The following EDNRA variants were observed in gnomAD, a reference collection of about 807,000 sequenced individuals.
The protein encoded by EDNRA is endothelin receptor type A.
In EDNRA, 11 loss-of-function variants were observed where a neutral mutation model predicts 41.4. The observed-to-expected ratio is 0.27, with a 90% CI of 0.17 to 0.44. EDNRA has a LOEUF of 0.44. EDNRA is among the 20% of genes least tolerant of loss of function. EDNRA has a pLI of 1.00. For missense variants in EDNRA, 294 were observed against 531.0 expected, an observed-to-expected ratio of 0.55 and a Z score of 4.39; for synonymous variants, 172 against 183.0, an observed-to-expected ratio of 0.94 and a Z score of 0.49.
chr4:147,535,726 C>T, intron 4 of EDNRA, 151 bp from the exon 5 acceptor site: 3 of 858,592 alleles, frequency 3.5e-6, no homozygotes, highest in Non-Finnish European at 3.5e-6. Context: ...GAGTTTTGAG[C>T]CCCACTCCCA....
At chr4:147,506,627 G>A (rs764344674) in intron 2 of EDNRA, 2 of 305,684 alleles carry the variant, frequency 6.5e-6, no homozygotes, top group Non-Finnish European at 1.3e-5. Context: ...TAAGGACTTG[G>A]TGGACATCAC....
chr4:147,500,077 T>C (rs1729458754), intron 2 of EDNRA, among the ~76,000 whole-genome samples: 1 of 152,134 alleles, frequency 6.6e-6, no homozygotes, highest in Non-Finnish European at 1.5e-5. Flanking sequence ...AGTGCTGGGA[T>C]TACGAGTGTG....
rs945270541 is a variant in EDNRA at position 147,485,621 on chromosome 4, A to C, written c.-61A>C. The C allele has an allele frequency of 1.2e-5, 18 of 1,504,312 alleles. No homozygotes were observed. Among genetic ancestry groups the C allele is most frequent in the Non-Finnish European group, 1.5e-5 (17 of 1,124,848 alleles). The allele number at this position is 1,504,312 out of a possible 1,614,324, so 93.2% of individuals were successfully genotyped here. On this transcript the variant is annotated 5_prime_UTR_variant, in exon 2 of 8. Coordinates refer to ENST00000651419, the MANE Select transcript of EDNRA (RefSeq NM_001957.4). ...TTTCCTTTTGTTTCAGGTGAAAAAA[A>C]AGTGAAGGTGTAAAAGCAGCACAAG... is the stretch of plus-strand genomic sequence containing the variant.
intron 2 of EDNRA, chr4:147,492,936 T>A (rs541714692): frequency 2.6e-5 from 4 of 152,256 alleles, no homozygotes; most frequent in African/African-American, 7.2e-5. Context: ...ATGGTCATGT[T>A]AAGTAATTAT....
At chr4:147,532,420 G>A in intron 3 of EDNRA, 86 bp from the exon 4 acceptor site, 5 of 1,207,652 alleles carry the variant, frequency 4.1e-6, no homozygotes, top group Non-Finnish European at 6.1e-6. Flanking sequence ...GCAATGAGGA[G>A]GAACTTCCCA....
At chr4:147,522,731 A>G (rs902598758) in intron 3 of EDNRA, among the ~76,000 whole-genome samples, 2 of 152,174 alleles carry the variant, frequency 1.3e-5, no homozygotes, top group Admixed American at 6.5e-5. Context: ...AACTCAAACC[A>G]TTGTTGATGA....
Position 147,543,775 on chromosome 4 carries a change from G to C in EDNRA, c.*1157G>C, listed in dbSNP as rs1177561657. ...AAACATAATTTTGAAGTGGCCAGAT[G>C]AGTTTATCATGTCAGTGAAAAATAA... On this transcript the variant is annotated 3_prime_UTR_variant, in exon 8 of 8. Coordinates refer to ENST00000651419, the MANE Select transcript of EDNRA (RefSeq NM_001957.4). 6.6e-6 allele frequency: 1 copy of C among 152,668 alleles called. No individual in the cohort carries two copies. The highest frequency in any genetic ancestry group is 1.9e-4 in the East Asian group (1 of 5,178). 9.5% of individuals were successfully genotyped at this position (152,668 alleles called of 1,614,324 possible). A position where few individuals can be genotyped will look rare whatever the true frequency, so the allele number is the denominator to read the frequency against.
intron 3 of EDNRA, among the ~76,000 whole-genome samples, chr4:147,523,374 C>A (rs958401247): frequency 6.6e-6 from 1 of 151,924 alleles, no homozygotes; most frequent in Non-Finnish European, 1.5e-5. Flanking sequence ...TCTTTCAGGG[C>A]CTTCTCTCTG....
At chr4:147,506,101 AT>A in intron 2 of EDNRA, 1 of 523,174 alleles carries the variant, frequency 1.9e-6, no homozygotes. Flanking sequence ...GTTCCTGAAT[AT>A]TTGTCACAGC....
Position 147,485,504 on chromosome 4 carries a change from A to C in EDNRA, c.-70-108A>C, listed in dbSNP as rs939477687. The C allele has an allele frequency of 1.9e-5, 14 of 754,608 alleles. No homozygotes were observed. In the East Asian group the frequency reaches 3.5e-4, roughly 19 times the overall value. 46.7% of individuals were successfully genotyped at this position (754,608 alleles called of 1,614,324 possible). A position where few individuals can be genotyped will look rare whatever the true frequency, so the allele number is the denominator to read the frequency against. On this transcript the variant is annotated intron_variant, in intron 1 of 7. Coordinates refer to ENST00000651419, the MANE Select transcript of EDNRA (RefSeq NM_001957.4). ...AACCTGATATACATATATCTTATCT[A>C]ATCACCAAATATATCCTGCATTTTA...
At chr4:147,526,497 C>T (rs1730553639) in intron 3 of EDNRA, among the ~76,000 whole-genome samples, 1 of 152,210 alleles carries the variant, frequency 6.6e-6, no homozygotes, top group South Asian at 2.1e-4. Context: ...TTTGCTCCAG[C>T]AGGCTCAAGG....
At chr4:147,508,520 T>C (rs372464060) in intron 2 of EDNRA, among the ~76,000 whole-genome samples, 13 of 152,194 alleles carry the variant, frequency 8.5e-5, no homozygotes, top group Non-Finnish European at 1.5e-4. Context: ...GTCCTATCTG[T>C]GAAATTTTTG....
At chr4:147,500,027 A>C (rs561744170) in intron 2 of EDNRA, among the ~76,000 whole-genome samples, 1 of 150,870 alleles carries the variant, frequency 6.6e-6, no homozygotes, top group Non-Finnish European at 1.5e-5. Context: ...CTGATCTCGA[A>C]CTCCTGATCT....
At chr4:147,504,131 A>G (rs1729607828) in intron 2 of EDNRA, among the ~76,000 whole-genome samples, 1 of 147,204 alleles carries the variant, frequency 6.8e-6, no homozygotes, top group African/African-American at 2.7e-5. Flanking sequence ...CTAGCCTCAC[A>G]AAAAAAAATG....
At chr4:147,488,151 G>C (rs1436291427) in intron 2 of EDNRA, 1 of 152,208 alleles carries the variant, frequency 6.6e-6, no homozygotes, top group Non-Finnish European at 1.5e-5. Flanking sequence ...CCCTGCTGCT[G>C]TTCACCCTGA....
intron 2 of EDNRA, among the ~76,000 whole-genome samples, chr4:147,504,080 T>G (rs2126414960): frequency 6.6e-6 from 1 of 152,338 alleles, no homozygotes; most frequent in Non-Finnish European, 1.5e-5. Context: ...TTCTGCAATC[T>G]GTTGTACTAT....
At chr4:147,516,638 G>A (rs1730125527) in intron 2 of EDNRA, among the ~76,000 whole-genome samples, 1 of 152,160 alleles carries the variant, frequency 6.6e-6, no homozygotes, top group Non-Finnish European at 1.5e-5. Context: ...GCAAAAATAA[G>A]CTATGACTGA....
chr4:147,496,898 C>T (rs1729318083), intron 2 of EDNRA, among the ~76,000 whole-genome samples: 1 of 152,100 alleles, frequency 6.6e-6, no homozygotes, highest in Non-Finnish European at 1.5e-5. Flanking sequence ...TGGACATTCT[C>T]CTATGCATCT....
intron 5 of EDNRA, among the ~76,000 whole-genome samples, chr4:147,537,659 T>C (rs1341291056): frequency 6.6e-6 from 1 of 152,170 alleles, no homozygotes; most frequent in Non-Finnish European, 1.5e-5. Context: ...ATTTTTTAAG[T>C]TTTTAAAGTG....
Sources: allele counts gnomAD v4.1 joint callset (sites outside exome capture counted in the v4.1 genomes callset), GRCh38; gene constraint gnomAD v4.1.1; transcripts MANE v1.5; gene names NCBI Gene and HGNC (gene_info 2026-07-23, HGNC 2026-07-21).